TLN1: variants seen among roughly 807,000 people sequenced by gnomAD.
TLN1 encodes talin-1.
In TLN1, 56 loss-of-function variants were observed where a neutral mutation model predicts 292.3. That is an observed-to-expected ratio of 0.19 (90% confidence interval 0.15 to 0.24). The LOEUF is 0.24. Ranked by LOEUF, TLN1 falls within the 10% of genes least tolerant of loss-of-function variation. The probability of loss-of-function intolerance (pLI) is 1.00; values close to 1 mark genes in which losing one functional copy is unlikely to be tolerated. For synonymous variants in TLN1, 1,119 were observed against 1,253.7 expected (o/e 0.89, Z 2.27); for missense variants, 2,433 against 3,248.2 (o/e 0.75, Z 6.10).
intron 43 of TLN1, 46 bp downstream of exon 43, chr9:35,705,505 C>T (rs1408720869): frequency 6.6e-7 from 1 of 1,526,662 alleles, no homozygotes; most frequent in Admixed American, 2.0e-5. Flanking sequence ...ACTGACACAT[C>T]AGGAACAAGG....
rs1486334735 is a variant in TLN1, at chr9:35,723,982, T to C, written c.752A>G (p.Asn251Ser). Residue 251 changes from asparagine to serine, a missense_variant, in exon 7 of 57, where the codon AAT becomes AGT. By Grantham distance (46) the Asn-to-Ser change is conservative (BLOSUM62 1). Transcript: ENST00000314888. The part of the protein sequence containing the change: ...FQCQIQFGPH[N>S]EQKHKAGFLD... ...GAAGCCAGCCTTGTGCTTCTGCTCA[T>C]TGTGGGGCCCAAACTGGATCTGGCA... 17 of 1,613,980 alleles carry C rather than the reference T, an allele frequency of 1.1e-5. No homozygotes were observed. The highest frequency in any genetic ancestry group is 1.7e-5 in the Admixed American group (1 of 59,994).
At chr9:35,705,510 A>G in intron 43 of TLN1, 41 bp downstream of exon 43, 1 of 1,531,240 alleles carries the variant, frequency 6.5e-7, no homozygotes. Flanking sequence ...CACATCAGGA[A>G]CAAGGGGCAG....
intron 1 of TLN1, among the ~76,000 whole-genome samples, chr9:35,730,843 C>A (rs766187890): frequency 1.1e-4 from 16 of 152,130 alleles, no homozygotes; most frequent in Non-Finnish European, 2.2e-4. Context: ...TCAGGGGATT[C>A]AGTTATTCCC....
At chr9:35,715,640 G>A (rs1825763291) in intron 20 of TLN1, among the ~76,000 whole-genome samples, 1 of 152,232 alleles carries the variant, frequency 6.6e-6, no homozygotes, top group South Asian at 2.1e-4. Flanking sequence ...GTGTCCTGCT[G>A]GCAGCAGAGG....
chr9:35,720,021 TG>T lies in TLN1; in HGVS notation c.1464+17del. 1.9e-6 allele frequency: 3 copies of T among 1,577,318 alleles called. No homozygotes were observed. Among genetic ancestry groups the T allele is most frequent in the Non-Finnish European group, 2.6e-6 (3 of 1,160,986 alleles). ...TGAGAGAAGGGCCCTGGCACCGTGGTGGAAGTGGGACACTTACCAGAGGAGG... is the reference window on the plus strand; with the variant it reads ...TGAGAGAAGGGCCCTGGCACCGTGGTGAAGTGGGACACTTACCAGAGGAGG... On this transcript the variant is annotated intron_variant, in intron 13 of 56. Transcript: ENST00000314888.
intron 46 of TLN1, 38 bp from the exon 47 acceptor site, chr9:35,703,938 A>G: frequency 1.2e-6 from 2 of 1,613,786 alleles, no homozygotes; most frequent in Non-Finnish European, 1.7e-6. Context: ...TATGGGAGGA[A>G]GAAGCGGGAC....
chr9:35,699,314 A>G lies in TLN1; in HGVS notation c.6874+42T>C, dbSNP rs1825423445. 6.3e-7 allele frequency: 1 copy of G among 1,586,154 alleles called. No homozygotes were observed. The highest frequency in any genetic ancestry group is 8.6e-7 in the Non-Finnish European group (1 of 1,164,950). On this transcript the variant is annotated intron_variant, in intron 51 of 56. Transcript: ENST00000314888. The surrounding 1 kb of genome is among the most constrained non-coding windows in gnomAD (Gnocchi z 4.0). ...GCCAGGAAGCAGAGATCACACCATG[A>G]TAAGGGTTTTCCATCCGTCCCTGTC...
At position 35,717,526 on chromosome 9, in the gene TLN1, A is replaced by C. The variant is rs1825807814; in HGVS notation, c.2164-86T>G. On this transcript the variant is annotated intron_variant, in intron 18 of 56. Coordinates refer to ENST00000314888, the MANE Select transcript of TLN1 (RefSeq NM_006289.4). This position sits in a 1 kb window ranked among gnomAD's most constrained non-coding sequence, Gnocchi z 4.7. ...ATAGCAGTAACTGGGATGGGTGAGG[A>C]GGCCTCCAGAGCCAAAGAAATAAAA... The C allele has an allele frequency of 1.3e-6, 2 of 1,576,240 alleles. No homozygotes were observed. The highest frequency in any genetic ancestry group is 1.3e-5 in the African/African-American group (1 of 74,368).
At chr9:35,731,537 C>T (rs557647292) in intron 1 of TLN1, among the ~76,000 whole-genome samples, 1 of 138,940 alleles carries the variant, frequency 7.2e-6, no homozygotes, top group South Asian at 2.5e-4. Flanking sequence ...TCTTTAATCC[C>T]TCAAACAAGC....
At chr9:35,713,400 T>C in intron 25 of TLN1, 102 bp from the exon 26 acceptor site, 1 of 929,838 alleles carries the variant, frequency 1.1e-6, no homozygotes, top group East Asian at 2.7e-5. Flanking sequence ...ATAAATGTTT[T>C]GGGCTGGGTG....
chr9:35,698,782 A>G lies in TLN1; in HGVS notation c.7125+26T>C, dbSNP rs749055210. ...GACATCAAAGTGCCAACCTGTCCCC[A>G]TTCTTCTGGGTATTTAAGCACTCAC... On this transcript the variant is annotated intron_variant, in intron 53 of 56. Transcript: ENST00000314888. The surrounding 1 kb of genome is among the most constrained non-coding windows in gnomAD (Gnocchi z 5.3). The G allele has an allele frequency of 1.4e-4, 223 of 1,613,498 alleles. No homozygotes were observed. The highest frequency in any genetic ancestry group is 2.1e-4 in the South Asian group (19 of 91,076).
Position 35,704,341 on chromosome 9 carries a change from G to A in TLN1, c.6038C>T (p.Ala2013Val). 3.1e-6 allele frequency: 5 copies of A among 1,613,402 alleles called. No individual in the cohort carries two copies. The highest frequency in any genetic ancestry group is 4.2e-6 in the Non-Finnish European group (5 of 1,179,592). Residue 2013 changes from alanine (A) to valine (V), a missense_variant, in exon 45 of 57, where the codon GCT becomes GTT. Around this residue, in one of 7 missense-constraint regions of TLN1, gnomAD observed 1,384 missense variants for 1,699.6 expected, o/e 0.81. Transcript: ENST00000314888. This position sits in a 1 kb window ranked among gnomAD's most constrained non-coding sequence, Gnocchi z 6.9. ...TLNREGTETF[A>V]DHREGILKTA... ...CCAGTTCCTGTCTTACCGGTGGTCA[G>A]CGAAAGTTTCAGTACCCTCACGATT...
chr9:35,725,771 G>T (rs1233791334), intron 1 of TLN1, 44 bp from the exon 2 acceptor site: 1 of 1,549,126 alleles, frequency 6.5e-7, no homozygotes, highest in African/African-American at 1.4e-5. Context: ...CTTCTGGTGG[G>T]AGAAGAGGCC....
chr9:35,705,733 G>C lies in TLN1; in HGVS notation c.5613+17C>G. The C allele has an allele frequency of 6.2e-7, 1 of 1,614,190 alleles. No homozygotes were observed. The highest frequency in any genetic ancestry group is 1.1e-5 in the South Asian group (1 of 91,072). The stretch of plus-strand genomic sequence containing the variant: ...CAGCTCTCCGAGGGCAGTCCTCTGG[G>C]ACTCGCCCAAACTCACCATCTCCTG... On this transcript the variant is annotated intron_variant, in intron 42 of 56. Coordinates refer to ENST00000314888, the MANE Select transcript of TLN1 (RefSeq NM_006289.4).
chr9:35,697,662 GC>G lies in TLN1; in HGVS notation c.*128del. On this transcript the variant is annotated 3_prime_UTR_variant, in exon 57 of 57. Transcript: ENST00000314888. ...GTACTGCGGGACTGGGCGGGGCCAG[GC>G]CCTGGGGTTTGGCAGGCACTTTGGG... 7.2e-7 allele frequency: 1 copy of G among 1,382,456 alleles called. No homozygotes were observed. Among genetic ancestry groups the G allele is most frequent in the East Asian group, 2.3e-5 (1 of 43,540 alleles). 85.6% of individuals were successfully genotyped at this position (1,382,456 alleles called of 1,614,324 possible).
At chr9:35,725,028 C>A in intron 3 of TLN1, 69 bp from the exon 4 acceptor site, 1 of 1,605,812 alleles carries the variant, frequency 6.2e-7, no homozygotes, top group African/African-American at 1.3e-5. Context: ...TTTACACAGC[C>A]CGAGGGGAGA....
In TLN1 at chr9:35,719,988, G is replaced by A. The variant is rs1825852352; in HGVS notation, c.1464+51C>T. 6.3e-7 allele frequency: 1 copy of A among 1,583,276 alleles called. No individual in the cohort carries two copies. Among genetic ancestry groups the A allele is most frequent in the Admixed American group, 1.7e-5 (1 of 57,272 alleles). Reference sequence around the variant, plus strand: ...ACTGCCTAACTCCTGGCTCGGCCCAGCTGAGGGTGAGAGAAGGGCCCTGGC... The same window carrying A: ...ACTGCCTAACTCCTGGCTCGGCCCAACTGAGGGTGAGAGAAGGGCCCTGGC... On this transcript the variant is annotated intron_variant, in intron 13 of 56. Coordinates refer to ENST00000314888, the MANE Select transcript of TLN1 (RefSeq NM_006289.4). This position sits in a 1 kb window ranked among gnomAD's most constrained non-coding sequence, Gnocchi z 4.6.
intron 48 of TLN1, among the ~76,000 whole-genome samples, chr9:35,702,063 T>G (rs1282400518): frequency 6.6e-6 from 1 of 151,994 alleles, no homozygotes; most frequent in Non-Finnish European, 1.5e-5. Context: ...ACAGCCAAAT[T>G]GCGGGAGAGT....
At chr9:35,721,009 C>T (rs560071972) in intron 10 of TLN1, 96 bp from the exon 11 acceptor site, 3 of 890,412 alleles carry the variant, frequency 3.4e-6, no homozygotes, top group Non-Finnish European at 5.4e-6. Context: ...TGATGAGATG[C>T]CTTCCCGTGG....
Sources: gnomAD v4.1 joint callset for allele counts (sites outside exome capture counted in the v4.1 genomes callset) on GRCh38, gnomAD v4.1.1 for gene constraint, gnomAD v4.1.1 regional missense constraint, Gnocchi (gnomAD v3.1) non-coding constraint, MANE v1.5 for transcripts, NCBI Gene and HGNC (gene_info 2026-07-23, HGNC 2026-07-21) for gene names.